The following PLXNA2 variants were observed in gnomAD, a reference collection of about 807,000 sequenced individuals.
PLXNA2 encodes the protein plexin A2, also known as plexin-A2.
A neutral mutation model predicts 193.5 loss-of-function variants in PLXNA2; 91 were observed. The observed-to-expected ratio is 0.47, with a 90% CI of 0.40 to 0.56. The LOEUF is 0.56. Ranked by LOEUF, PLXNA2 falls within the 20% of genes least tolerant of loss-of-function variation. The probability of loss-of-function intolerance (pLI) is 0.00; values close to 1 mark genes in which losing one functional copy is unlikely to be tolerated. For synonymous variants in PLXNA2, 997 were observed against 1,027.3 expected (o/e 0.97, Z 0.56); for missense variants, 1,995 against 2,503.2 (o/e 0.80, Z 4.33).
intron 1 of PLXNA2, among the ~76,000 whole-genome samples, chr1:208,235,078 G>C (rs918222045): frequency 6.6e-6 from 1 of 152,124 alleles, no homozygotes; most frequent in Non-Finnish European, 1.5e-5. Context: ...CCAATCCTAC[G>C]ACAGTGTCAT....
At chr1:208,034,144 C>A (rs747019379) in intron 27 of PLXNA2, among the ~76,000 whole-genome samples, 1 of 152,244 alleles carries the variant, frequency 6.6e-6, no homozygotes, top group Non-Finnish European at 1.5e-5. Context: ...TAAAAGGGGG[C>A]ACTCTTAATA....
At chr1:208,084,281 C>T in intron 10 of PLXNA2, 99 bp downstream of exon 10, 2 of 1,295,172 alleles carry the variant, frequency 1.5e-6, no homozygotes, top group Non-Finnish European at 2.2e-6. Context: ...GCCTGTGAAC[C>T]TGGAAGGCTC....
At chr1:208,112,127 T>C (rs1405096087) in intron 4 of PLXNA2, among the ~76,000 whole-genome samples, 1 of 152,204 alleles carries the variant, frequency 6.6e-6, no homozygotes, top group East Asian at 1.9e-4. Flanking sequence ...CCAAAGTTGG[T>C]TGAACTTTTC....
At chr1:208,231,443 C>T (rs555794261) in intron 1 of PLXNA2, among the ~76,000 whole-genome samples, 27 of 152,170 alleles carry the variant, frequency 1.8e-4, no homozygotes, top group South Asian at 8.3e-4. Context: ...TGTTCCGCAC[C>T]GGATGAAGGC....
At chr1:208,132,440 G>A (rs1668187275) in intron 4 of PLXNA2, among the ~76,000 whole-genome samples, 1 of 152,312 alleles carries the variant, frequency 6.6e-6, no homozygotes, top group East Asian at 1.9e-4. Context: ...CAGCCCTGCT[G>A]TTGGACAGCT....
intron 9 of PLXNA2, among the ~76,000 whole-genome samples, chr1:208,086,644 A>G (rs998835537): frequency 5.3e-5 from 8 of 152,020 alleles, no homozygotes; most frequent in African/African-American, 1.7e-4. Context: ...TCCACGAGAG[A>G]GAATCACAAG....
chr1:208,115,607 C>G (rs530795350), intron 4 of PLXNA2, among the ~76,000 whole-genome samples: 1 of 152,268 alleles, frequency 6.6e-6, no homozygotes, highest in South Asian at 2.1e-4. Flanking sequence ...CTGTACCTTG[C>G]TGATAGCTGA....
At chr1:208,058,311 C>T (rs1193824233) in intron 13 of PLXNA2, among the ~76,000 whole-genome samples, 2 of 152,234 alleles carry the variant, frequency 1.3e-5, no homozygotes, top group Admixed American at 6.5e-5. Flanking sequence ...CAGCCCTCCA[C>T]AGACCTGTGG....
At chr1:208,175,837 G>T (rs1385066135) in intron 3 of PLXNA2, among the ~76,000 whole-genome samples, 1 of 152,204 alleles carries the variant, frequency 6.6e-6, no homozygotes, top group Non-Finnish European at 1.5e-5. Context: ...GCCAGAGAAA[G>T]AAGACAGGCT....
At chr1:208,210,953 G>C (rs966463812) in intron 2 of PLXNA2, among the ~76,000 whole-genome samples, 46 of 152,292 alleles carry the variant, frequency 3.0e-4, no homozygotes, top group African/African-American at 1.1e-3. Context: ...AGAAATTTTA[G>C]GCCATTCAAC....
At chr1:208,166,206 A>G (rs1166292090) in intron 3 of PLXNA2, among the ~76,000 whole-genome samples, 1 of 152,248 alleles carries the variant, frequency 6.6e-6, no homozygotes, top group Non-Finnish European at 1.5e-5. Flanking sequence ...GCAACTAGTG[A>G]TGGGAGTTCC....
At chr1:208,141,489 C>G (rs1383455978) in intron 4 of PLXNA2, among the ~76,000 whole-genome samples, 1 of 152,156 alleles carries the variant, frequency 6.6e-6, no homozygotes, top group Non-Finnish European at 1.5e-5. Context: ...ACTGGCAATC[C>G]TTTTCCTCAT....
chr1:208,061,781 A>C (rs1436792013), intron 12 of PLXNA2, among the ~76,000 whole-genome samples: 1 of 152,212 alleles, frequency 6.6e-6, no homozygotes, highest in East Asian at 1.9e-4. Flanking sequence ...TTTGGGATCC[A>C]ACAGATCCCA....
intron 3 of PLXNA2, among the ~76,000 whole-genome samples, chr1:208,183,503 G>T (rs999443010): frequency 9.9e-5 from 15 of 151,912 alleles, no homozygotes; most frequent in Non-Finnish European, 2.2e-4. Context: ...GGGCAGAGAT[G>T]GGAGGGAAAC....
In PLXNA2 at chr1:208,038,294, T is replaced by C. The variant is rs1664738525; in HGVS notation, c.4764+77A>G. 1 of 990,200 alleles carries C rather than the reference T, an allele frequency of 1.0e-6. No homozygotes were observed. Among genetic ancestry groups the C allele is most frequent in the African/African-American group, 1.6e-5 (1 of 63,176 alleles). 61.3% of individuals were successfully genotyped at this position (990,200 alleles called of 1,614,324 possible). On this transcript the variant is annotated intron_variant, in intron 26 of 31. Transcript: ENST00000367033. The surrounding 1 kb of genome is among the most constrained non-coding windows in gnomAD (Gnocchi z 4.1). Reference sequence around the variant, plus strand: ...GGAGAGGAAAATCCTTTTTAGACTTTTGAGGCCTTAGAGCAAGGCTTAGCG... The same window carrying C: ...GGAGAGGAAAATCCTTTTTAGACTTCTGAGGCCTTAGAGCAAGGCTTAGCG...
At chr1:208,062,081 A>G (rs1191300822) in intron 12 of PLXNA2, among the ~76,000 whole-genome samples, 1 of 152,058 alleles carries the variant, frequency 6.6e-6, no homozygotes, top group African/African-American at 2.4e-5. Flanking sequence ...GCAAAAAAAA[A>G]GGGGACTTGA....
At chr1:208,133,786 G>A (rs947172997) in intron 4 of PLXNA2, among the ~76,000 whole-genome samples, 1 of 152,228 alleles carries the variant, frequency 6.6e-6, no homozygotes, top group African/African-American at 2.4e-5. Context: ...GGCTAGACCA[G>A]GTTACTCAGG....
rs111565045 is a variant in PLXNA2 at position 208,091,057 on chromosome 1, G to C, written c.2097+1729C>G. ...TCCAGTGTCCAGGAAGGCTGGTGTA[G>C]GGTTTTTAGGCCAGCTGCATCAAAG... On this transcript the variant is annotated intron_variant, in intron 9 of 31. Transcript: ENST00000367033. Among the ~76,000 whole-genome samples, 439 of 152,328 alleles carry C rather than the reference G, an allele frequency of 2.9e-3. 1 individual carries two copies. The highest frequency in any genetic ancestry group is 9.9e-3 in the African/African-American group (413 of 41,572).
At position 208,082,656 on chromosome 1, in the gene PLXNA2, C is replaced by G; in HGVS notation, c.2299-148G>C. The G allele has an allele frequency of 1.5e-6, 1 of 674,218 alleles. No individual in the cohort carries two copies. The highest frequency in any genetic ancestry group is 2.6e-6 in the Non-Finnish European group (1 of 377,806). 41.8% of individuals were successfully genotyped at this position (674,218 alleles called of 1,614,324 possible). On this transcript the variant is annotated intron_variant, in intron 10 of 31. Transcript: ENST00000367033. The surrounding 1 kb of genome is among the most constrained non-coding windows in gnomAD (Gnocchi z 4.2). ...TAATGCCAAGAGAATCCCACCCAAG[C>G]CTCCTAGCTTGGCATTCAGTGCCCT...
Sources: gnomAD v4.1 joint callset for allele counts (sites outside exome capture counted in the v4.1 genomes callset) on GRCh38, gnomAD v4.1.1 for gene constraint, Gnocchi (gnomAD v3.1) non-coding constraint, MANE v1.5 for transcripts, NCBI Gene and HGNC (gene_info 2026-07-23, HGNC 2026-07-21) for gene names.